The following SNX29 variants were observed in gnomAD, a reference collection of about 807,000 sequenced individuals.
SNX29 encodes sorting nexin 29.
A neutral mutation model predicts 102.1 loss-of-function variants in SNX29; 78 were observed. That is an observed-to-expected ratio of 0.76 (90% CI 0.64 to 0.92). The LOEUF (loss-of-function observed/expected upper bound fraction) is 0.92, where lower values mean the gene tolerates loss of function less well. SNX29 is among the 40% of genes least tolerant of loss of function. SNX29 has a pLI of 0.00. For synonymous variants in SNX29, 580 were observed against 414.5 expected, an observed-to-expected ratio of 1.40 and a Z score of -4.85; for missense variants, 1,280 against 1,061.7, an observed-to-expected ratio of 1.21 and a Z score of -2.86.
intron 16 of SNX29, among the ~76,000 whole-genome samples, chr16:12,357,131 C>G (rs2082157473): frequency 6.6e-6 from 1 of 152,230 alleles, no homozygotes; most frequent in Admixed American, 6.5e-5. Flanking sequence ...ATAGCTTCCT[C>G]ATTTTACAAC....
At chr16:12,010,225 T>C (rs1219857809) in intron 3 of SNX29, among the ~76,000 whole-genome samples, 2 of 152,184 alleles carry the variant, frequency 1.3e-5, no homozygotes, top group African/African-American at 4.8e-5. Context: ...ATATGTAAGG[T>C]GTTTTGACAC....
intron 14 of SNX29, among the ~76,000 whole-genome samples, chr16:12,207,141 G>A (rs1337853412): frequency 6.6e-6 from 1 of 152,064 alleles, no homozygotes; most frequent in African/African-American, 2.4e-5. Flanking sequence ...GGCCAAGACG[G>A]GTGGATCACC....
chr16:12,088,124 A>C (rs1017271175), intron 11 of SNX29: 2 of 456,542 alleles, frequency 4.4e-6, no homozygotes, highest in Non-Finnish European at 8.8e-6. Flanking sequence ...CTGAGGCTGC[A>C]GGGCACCAGC....
intron 18 of SNX29, among the ~76,000 whole-genome samples, chr16:12,413,559 G>A (rs775833453): frequency 3.6e-5 from 5 of 138,216 alleles, no homozygotes; most frequent in Non-Finnish European, 8.3e-5. Flanking sequence ...CAGAGGAGTG[G>A]CTCTGTGAGA....
chr16:12,338,711 C>A (rs2081525636), intron 15 of SNX29, among the ~76,000 whole-genome samples: 3 of 152,186 alleles, frequency 2.0e-5, no homozygotes, highest in Non-Finnish European at 4.4e-5. Flanking sequence ...CATCCTTGAC[C>A]TGTTGCCTTC....
At chr16:12,500,483 G>C (rs781295734) in intron 19 of SNX29, among the ~76,000 whole-genome samples, 1 of 152,226 alleles carries the variant, frequency 6.6e-6, no homozygotes, top group African/African-American at 2.4e-5. Context: ...GGCTCCTTTT[G>C]CTGTCAACCC....
intron 13 of SNX29, among the ~76,000 whole-genome samples, chr16:12,176,017 A>G (rs2076252804): frequency 6.6e-6 from 1 of 152,080 alleles, no homozygotes; most frequent in Non-Finnish European, 1.5e-5. Context: ...AACAACAACA[A>G]CAACAACAAA....
chr16:12,536,942 C>G (rs915058564), intron 20 of SNX29, among the ~76,000 whole-genome samples: 3 of 152,168 alleles, frequency 2.0e-5, no homozygotes, highest in African/African-American at 7.2e-5. Context: ...CAGCACTGCA[C>G]TCCAGCCTAG....
chr16:12,529,971 G>T (rs963618144), intron 20 of SNX29, among the ~76,000 whole-genome samples: 1 of 152,202 alleles, frequency 6.6e-6, no homozygotes, highest in African/African-American at 2.4e-5. Flanking sequence ...CCATGCAAGA[G>T]ATCTCAAAGC....
In SNX29 at chr16:12,569,597, C is replaced by A. The variant is rs1159969301; in HGVS notation, c.*968C>A. ...AAAAACATTTTCCATCCCGTCTGCC[C>A]CCGACATTGTCCTTGATAACAGAAC... On this transcript the variant is annotated 3_prime_UTR_variant, in exon 21 of 21. Transcript: ENST00000566228. 8.7e-6 allele frequency: 2 copies of A among 229,272 alleles called. No homozygotes were observed. The highest frequency in any genetic ancestry group is 6.2e-5 in the East Asian group (1 of 16,160). 14.2% of individuals were successfully genotyped at this position (229,272 alleles called of 1,614,324 possible). A position where few individuals can be genotyped will look rare whatever the true frequency, so the allele number is the denominator to read the frequency against.
chr16:12,331,212 G>C lies in SNX29; in HGVS notation c.1783-24951G>C, dbSNP rs1190684751. 5.9e-5 allele frequency among the ~76,000 whole-genome samples: 9 copies of C among 151,536 alleles called. No homozygotes were observed. In the East Asian group the frequency reaches 1.7e-3, roughly 29 times the overall value. On this transcript the variant is annotated intron_variant, in intron 15 of 20. Coordinates refer to ENST00000566228, the MANE Select transcript of SNX29 (RefSeq NM_032167.5). ...CCCAACTTTCCAGGCTGCTGGGCTT[G>C]GCTGCCCGGTTTCACTCCTAGAAAC...
chr16:12,165,532 C>A (rs145027293), intron 13 of SNX29, among the ~76,000 whole-genome samples: 510 of 152,258 alleles, frequency 3.3e-3, no homozygotes, highest in Non-Finnish European at 5.2e-3. Flanking sequence ...TGTTTTTTAC[C>A]ATTCAAATAT....
intron 14 of SNX29, among the ~76,000 whole-genome samples, chr16:12,248,452 G>A (rs903843421): frequency 6.6e-5 from 10 of 150,820 alleles, no homozygotes; most frequent in Admixed American, 2.6e-4. Context: ...CTGGAGTACA[G>A]TGGTGCAATC....
intron 20 of SNX29, among the ~76,000 whole-genome samples, chr16:12,548,697 G>A (rs1276208396): frequency 6.6e-6 from 1 of 152,172 alleles, no homozygotes; most frequent in African/African-American, 2.4e-5. Context: ...AGCACTGCAG[G>A]GCATTGTACT....
chr16:12,421,134 G>T (rs527662503), intron 18 of SNX29, among the ~76,000 whole-genome samples: 1 of 152,278 alleles, frequency 6.6e-6, no homozygotes, highest in South Asian at 2.1e-4. Context: ...GGAAATAATA[G>T]AGCTGGGCTT....
intron 8 of SNX29, among the ~76,000 whole-genome samples, chr16:12,056,388 G>A (rs966726010): frequency 3.3e-5 from 5 of 152,162 alleles, no homozygotes; most frequent in African/African-American, 1.2e-4. Context: ...AGCTCTCCCC[G>A]GCATTAAGAG....
intron 19 of SNX29, among the ~76,000 whole-genome samples, chr16:12,523,268 GC>G (rs2090167256): frequency 6.6e-6 from 1 of 152,216 alleles, no homozygotes; most frequent in Non-Finnish European, 1.5e-5. Flanking sequence ...GGCCTCCTGG[GC>G]GAGGTACCGA....
At chr16:12,568,255 A>G (rs1314684846) in intron 20 of SNX29, among the ~76,000 whole-genome samples, 1 of 151,244 alleles carries the variant, frequency 6.6e-6, no homozygotes, top group Non-Finnish European at 1.5e-5. Flanking sequence ...TGGTACCATG[A>G]GCTAGCTCAG....
chr16:12,404,106 C>T (rs1386820419), intron 18 of SNX29, among the ~76,000 whole-genome samples: 2 of 152,156 alleles, frequency 1.3e-5, no homozygotes, highest in African/African-American at 4.8e-5. Flanking sequence ...TGGGTGTTTA[C>T]CTCACCTGAC....
Sources: allele counts gnomAD v4.1 joint callset (sites outside exome capture counted in the v4.1 genomes callset), GRCh38; gene constraint gnomAD v4.1.1; transcripts MANE v1.5; gene names NCBI Gene and HGNC (gene_info 2026-07-23, HGNC 2026-07-21).